Variants in VIT observed in about 807,000 individuals in gnomAD.
VIT encodes vitrin.
Under a neutral mutation model 78.0 loss-of-function variants are expected in VIT, and 99 were observed. That is an observed-to-expected ratio of 1.27 (90% confidence interval 1.08 to 1.50). VIT has a LOEUF of 1.50. VIT is among the 40% of genes most tolerant of loss of function. The pLI is 0.00. For synonymous variants in VIT, 374 were observed against 334.3 expected (o/e 1.12, Z -1.29); for missense variants, 1,126 against 875.3 (o/e 1.29, Z -3.61).
At chr2:36,770,873 G>T (rs1376972403) in intron 7 of VIT, among the ~76,000 whole-genome samples, 1 of 152,218 alleles carries the variant, frequency 6.6e-6, no homozygotes, top group South Asian at 2.1e-4. Context: ...GTAGACCAGG[G>T]AGGGGAGAAG....
chr2:36,773,994 A>G (rs1669910718), intron 8 of VIT, 147 bp downstream of exon 8: 2 of 675,076 alleles, frequency 3.0e-6, no homozygotes, highest in Non-Finnish European at 4.4e-6. Context: ...TCAAGGGCCC[A>G]ACTTCTAAGA....
At chr2:36,758,357 G>A (rs1668891721) in intron 5 of VIT, among the ~76,000 whole-genome samples, 1 of 152,142 alleles carries the variant, frequency 6.6e-6, no homozygotes, top group African/African-American at 2.4e-5. Context: ...GGAATTTCAG[G>A]CGTCCTTTTA....
At chr2:36,703,011 A>G (rs1301904095) in intron 1 of VIT, among the ~76,000 whole-genome samples, 1 of 152,150 alleles carries the variant, frequency 6.6e-6, no homozygotes, top group African/African-American at 2.4e-5. Flanking sequence ...ACTCTGTCAC[A>G]CAGAGAGTTC....
chr2:36,787,658 T>G, intron 12 of VIT: 2 of 331,222 alleles, frequency 6.0e-6, no homozygotes, highest in South Asian at 2.6e-5. Flanking sequence ...AGGTTGGATC[T>G]GCTTTCAACC....
Position 36,758,985 on chromosome 2 carries a change from G to T in VIT, c.426G>T (p.Lys142Asn). ...SFIVLESKPK[K>N]GVTYPSALTY... ...TTTTTGCAGAAAGTAAACCCAAAAA[G>T]GGTGTAACCTACCCATCAGCTCTTA... The change falls in exon 6 of 16, where the codon AAG becomes AAT. Residue 142 changes from lysine (K) to asparagine (N), a missense_variant. Transcript: ENST00000379242. 6.2e-7 allele frequency: 1 copy of T among 1,613,648 alleles called. No individual in the cohort carries two copies. The highest frequency in any genetic ancestry group is 8.5e-7 in the Non-Finnish European group (1 of 1,179,912).
chr2:36,707,020 G>A (rs754834933), intron 1 of VIT, among the ~76,000 whole-genome samples: 25 of 151,966 alleles, frequency 1.6e-4, no homozygotes, highest in Non-Finnish European at 3.4e-4. Context: ...GGGGCTCTTC[G>A]GTGGTTCAAA....
chr2:36,769,820 C>T (rs1427710635), intron 7 of VIT, among the ~76,000 whole-genome samples: 3 of 152,148 alleles, frequency 2.0e-5, no homozygotes, highest in African/African-American at 4.8e-5. Context: ...ATCCCGTGCC[C>T]ATAAACAGTT....
At position 36,783,414 on chromosome 2, in the gene VIT, G is replaced by T. The variant is rs116552431; in HGVS notation, c.910+12G>T. 19,009 of 1,613,816 alleles carry T rather than the reference G, an allele frequency of 0.012. 166 individuals are homozygous for T. Among genetic ancestry groups the T allele is most frequent in the Non-Finnish European group, 0.014 (16,010 of 1,179,796 alleles). On this transcript the variant is annotated intron_variant, in intron 11 of 15. Coordinates refer to ENST00000379242, the MANE Select transcript of VIT (RefSeq NM_053276.4). ...CCTGGGAGATCCAAGTAAGTTAATT[G>T]ACAACTAGAAACCCACGGTGTCTTT...
In VIT at chr2:36,801,385, A is replaced by G. The variant is rs1381323334; in HGVS notation, c.1143A>G (p.Arg381=). ...CAGCCATAGAGAAAATTACTCAGAG[A>G]GGAGGACTTTCTAATGTAGGTATGT... The part of the protein sequence containing the change: ...LKTAIEKITQ[R]GGLSNVGRAI... The change falls in exon 13 of 16, where the codon AGA becomes AGG. Residue 381 remains arginine (R), a synonymous_variant. Transcript: ENST00000379242. 1 of 1,613,372 alleles carries G rather than the reference A, an allele frequency of 6.2e-7. No homozygotes were observed. The highest frequency in any genetic ancestry group is 8.5e-7 in the Non-Finnish European group (1 of 1,179,462).
chr2:36,768,059 T>C (rs1669539585), intron 7 of VIT, among the ~76,000 whole-genome samples: 1 of 152,222 alleles, frequency 6.6e-6, no homozygotes, highest in Non-Finnish European at 1.5e-5. Flanking sequence ...CAGTCACTAC[T>C]GCCACATAGC....
intron 1 of VIT, among the ~76,000 whole-genome samples, chr2:36,711,411 C>A (rs770321349): frequency 6.6e-6 from 1 of 152,120 alleles, no homozygotes; most frequent in Non-Finnish European, 1.5e-5. Context: ...CAAGATGCAA[C>A]CTGCAGATTG....
Position 36,808,724 on chromosome 2 carries a change from C to G in VIT, c.1642C>G (p.Arg548Gly). The change falls in exon 15 of 16, where the codon CGC becomes GGC. Residue 548 changes from arginine (R) to glycine (G), a missense_variant. Physicochemically the swap from Arg to Gly is moderately radical, Grantham distance 125 (BLOSUM62 -2). Transcript: ENST00000379242. ...GTTTGAGATTTCCGACACGGACACG[C>G]GCATCGGGGCCGTGCAGTACACCTA... ...KEFEISDTDT[R>G]IGAVQYTYEQ... 1.2e-6 allele frequency: 2 copies of G among 1,614,226 alleles called. No individual in the cohort carries two copies. Among genetic ancestry groups the G allele is most frequent in the Middle Eastern group, 1.6e-4 (1 of 6,062 alleles).
intron 2 of VIT, among the ~76,000 whole-genome samples, chr2:36,726,838 A>AAAAC (rs1666883707): frequency 6.8e-6 from 1 of 148,142 alleles, no homozygotes; most frequent in Admixed American, 6.8e-5. Context: ...AAAAAAAAAA[A>AAAAC]AAAAACAAAA....
chr2:36,705,621 T>C (rs1038172045), intron 1 of VIT, among the ~76,000 whole-genome samples: 1 of 152,184 alleles, frequency 6.6e-6, no homozygotes, highest in Non-Finnish European at 1.5e-5. Flanking sequence ...CCCACCCAAC[T>C]GCCCATGAGG....
At chr2:36,810,676 C>G (rs1447791288) in intron 15 of VIT, among the ~76,000 whole-genome samples, 1 of 151,532 alleles carries the variant, frequency 6.6e-6, no homozygotes, top group Non-Finnish European at 1.5e-5. Context: ...CTCTGTCACC[C>G]AGACTGGAGT....
At chr2:36,760,229 A>G (rs537670618) in intron 6 of VIT, among the ~76,000 whole-genome samples, 4 of 152,160 alleles carry the variant, frequency 2.6e-5, no homozygotes. Context: ...TCTTGACCTC[A>G]TGATCCTCCC....
At chr2:36,722,928 T>C (rs1666603176) in intron 2 of VIT, among the ~76,000 whole-genome samples, 1 of 151,668 alleles carries the variant, frequency 6.6e-6, no homozygotes, top group African/African-American at 2.4e-5. Context: ...TAATTGTTTT[T>C]TGTAATTATA....
chr2:36,764,375 T>C (rs1236106658), intron 6 of VIT, among the ~76,000 whole-genome samples: 2 of 152,234 alleles, frequency 1.3e-5, no homozygotes, highest in Non-Finnish European at 2.9e-5. Flanking sequence ...GAGGCAATAA[T>C]GCCTGGTAGC....
intron 10 of VIT, among the ~76,000 whole-genome samples, chr2:36,782,072 A>G (rs1281883456): frequency 6.6e-6 from 1 of 152,240 alleles, no homozygotes; most frequent in Non-Finnish European, 1.5e-5. Context: ...TCTATCTGGC[A>G]GCACACTTTA....
Sources: allele counts gnomAD v4.1 joint callset (sites outside exome capture counted in the v4.1 genomes callset), GRCh38; gene constraint gnomAD v4.1.1; transcripts MANE v1.5; gene names NCBI Gene and HGNC (gene_info 2026-07-23, HGNC 2026-07-21).